Variants in KCNK18 observed in about 807,000 individuals in gnomAD.
KCNK18 encodes potassium channel subfamily K member 18.
KCNK18 carries 8 observed loss-of-function variants against 11.8 expected under a neutral mutation model. That is an observed-to-expected ratio of 0.68 (90% CI 0.40 to 1.22). The LOEUF (loss-of-function observed/expected upper bound fraction) is 1.22, where lower values mean the gene tolerates loss of function less well. KCNK18 is among the 50% of genes most tolerant of loss of function. The probability of loss-of-function intolerance (pLI) is 0.01; values close to 1 mark genes in which losing one functional copy is unlikely to be tolerated. For missense variants in KCNK18, 442 were observed against 465.4 expected (o/e 0.95, Z 0.46); for synonymous variants, 208 against 185.8 (o/e 1.12, Z -0.97).
At chr10:117,201,421 T>C in intron 2 of KCNK18, 134 bp downstream of exon 2, 1 of 923,350 alleles carries the variant, frequency 1.1e-6, no homozygotes, top group East Asian at 2.6e-5. Context: ...CTCAAATCTA[T>C]ATTGCACACC....
rs774358745 is a variant in KCNK18, at chr10:117,210,075, G to A, written c.931G>A (p.Glu311Lys). Residue 311 changes from glutamate (E) to lysine (K), a missense_variant, in exon 3 of 3, where the codon GAG becomes AAG. By Grantham distance (56) the Glu-to-Lys change is moderately conservative. Coordinates refer to ENST00000334549, the MANE Select transcript of KCNK18 (RefSeq NM_181840.1). ...LPFWETQLDF[E>K]NAFYFCFVTL... is the part of the protein sequence containing the mutation. Reference sequence around the variant, plus strand: ...CTTCTGGGAGACACAGTTGGATTTCGAGAATGCCTTCTATTTCTGCTTTGT... The same window carrying A: ...CTTCTGGGAGACACAGTTGGATTTCAAGAATGCCTTCTATTTCTGCTTTGT... The A allele has an allele frequency of 2.5e-6, 4 of 1,614,150 alleles. No individual in the cohort carries two copies. The highest frequency in any genetic ancestry group is 2.5e-6 in the Non-Finnish European group (3 of 1,180,036).
At position 117,198,968 on chromosome 10, in the gene KCNK18, C is replaced by A. The variant is rs560970517; in HGVS notation, c.223+1257C>A. Among the ~76,000 whole-genome samples, 3 of 152,320 alleles carry A rather than the reference C, an allele frequency of 2.0e-5. No homozygotes were observed. In the East Asian group the frequency reaches 5.8e-4, roughly 29 times the overall value. ...ACTGCCTAGAGTACACATCCCCAGG[C>A]TCTTCTCCAAACCCACTTAATCAGG... On this transcript the variant is annotated intron_variant, in intron 1 of 2. Coordinates refer to ENST00000334549, the MANE Select transcript of KCNK18 (RefSeq NM_181840.1).
In KCNK18 at chr10:117,209,626, C is replaced by A. The variant is rs1855119154; in HGVS notation, c.482C>A (p.Thr161Lys). Residue 161 changes from threonine to lysine, a missense_variant, in exon 3 of 3, where the codon ACA becomes AAA. By Grantham distance (78) the Thr-to-Lys change is moderately conservative (BLOSUM62 -1). Coordinates refer to ENST00000334549, the MANE Select transcript of KCNK18 (RefSeq NM_181840.1). The part of the protein sequence containing the change: ...TGDILATILS[T>K]SYNRFRKFPF... The stretch of plus-strand genomic sequence containing the variant: ...GACATCCTGGCAACCATCTTATCTA[C>A]ATCTTATAATCGGTTCCGAAAATTC... 1.9e-6 allele frequency: 3 copies of A among 1,614,078 alleles called. No individual in the cohort carries two copies. The Admixed American group carries it at 5.0e-5, about 27-fold the overall frequency.
At chr10:117,208,412 C>A (rs552105205) in intron 2 of KCNK18, among the ~76,000 whole-genome samples, 1 of 152,036 alleles carries the variant, frequency 6.6e-6, no homozygotes, top group Non-Finnish European at 1.5e-5. Flanking sequence ...CTAGTCAATA[C>A]GCAAAGTAGG....
intron 2 of KCNK18, among the ~76,000 whole-genome samples, chr10:117,208,592 C>A (rs1480788450): frequency 1.3e-5 from 2 of 152,286 alleles, no homozygotes; most frequent in South Asian, 2.1e-4. Flanking sequence ...ATCTGCTAAG[C>A]CACAAATGGC....
In KCNK18 at chr10:117,207,427, T is replaced by A. The variant is rs149408735; in HGVS notation, c.353-2070T>A. ...GTAATTACATACTCATTAGTGTGGTTTTTAAAATTAATGTCTGCCTCTTTT... is the reference window on the plus strand; with the variant it reads ...GTAATTACATACTCATTAGTGTGGTATTTAAAATTAATGTCTGCCTCTTTT... On this transcript the variant is annotated intron_variant, in intron 2 of 2. Transcript: ENST00000334549. Among the ~76,000 whole-genome samples the A allele has an allele frequency of 4.6e-5, 7 of 152,310 alleles. No homozygotes were observed. In the East Asian group the frequency reaches 1.3e-3, roughly 29 times the overall value.
chr10:117,203,039 C>G (rs559847657), intron 2 of KCNK18, among the ~76,000 whole-genome samples: 1 of 151,950 alleles, frequency 6.6e-6, no homozygotes, highest in Non-Finnish European at 1.5e-5. Context: ...CCACGCTTGG[C>G]TAATTTTAGT....
Position 117,209,870 on chromosome 10 carries a change from GC to G in KCNK18, c.731del (p.Pro244HisfsTer88), listed in dbSNP as rs1178698521. ...TAGAGAAACAGAACACACTGCAACT[GC>G]CCCCACAAGCCATGGAGAGGAGTAA... ...ALEKQNTLQL[P>X]PQAMERSNSC... On this transcript the variant is annotated frameshift_variant, in exon 3 of 3. Transcript: ENST00000334549. LOFTEE classifies it low-confidence loss of function (END_TRUNC). The G allele has an allele frequency of 9.3e-6, 15 of 1,614,144 alleles. No individual in the cohort carries two copies. The highest frequency in any genetic ancestry group is 1.3e-5 in the Non-Finnish European group (15 of 1,180,028).
In KCNK18 at chr10:117,201,063, G is replaced by A. The variant is rs1353662190; in HGVS notation, c.224-96G>A. The stretch of plus-strand genomic sequence containing the variant: ...ATACTGACCACAAGGCAAAGGGGCT[G>A]CTGGTCCTTGGGGAAGACTATCCCT... On this transcript the variant is annotated intron_variant, in intron 1 of 2. Transcript: ENST00000334549. The A allele has an allele frequency of 2.7e-6, 4 of 1,473,380 alleles. No individual in the cohort carries two copies. The African/African-American group carries it at 5.5e-5, about 20-fold the overall frequency. The allele number at this position is 1,473,380 out of a possible 1,614,324, so 91.3% of individuals were successfully genotyped here. A position where few individuals can be genotyped will look rare whatever the true frequency, so the allele number is the denominator to read the frequency against.
intron 2 of KCNK18, among the ~76,000 whole-genome samples, chr10:117,205,178 C>G (rs1409356335): frequency 6.6e-6 from 1 of 152,208 alleles, no homozygotes; most frequent in Non-Finnish European, 1.5e-5. Flanking sequence ...TCATTCCCAA[C>G]TGGGTCATCC....
chr10:117,201,379 G>A (rs908143948), intron 2 of KCNK18, 92 bp downstream of exon 2: 2 of 1,323,076 alleles, frequency 1.5e-6, no homozygotes, highest in African/African-American at 1.4e-5. Flanking sequence ...TGTGGAGATG[G>A]CCCTCCTCTC....
At chr10:117,199,974 C>G (rs1474060819) in intron 1 of KCNK18, among the ~76,000 whole-genome samples, 2 of 152,218 alleles carry the variant, frequency 1.3e-5, no homozygotes, top group Non-Finnish European at 2.9e-5. Context: ...GCCTTGGAAC[C>G]AATGTGTAGG....
At chr10:117,208,646 T>C (rs1855105480) in intron 2 of KCNK18, among the ~76,000 whole-genome samples, 1 of 152,198 alleles carries the variant, frequency 6.6e-6, no homozygotes, top group Non-Finnish European at 1.5e-5. Flanking sequence ...CTTTCTGTTT[T>C]TCCTAACACT....
chr10:117,209,844 C>T lies in KCNK18; in HGVS notation c.700C>T (p.Leu234=), dbSNP rs569089831. Residue 234 remains leucine (L), a synonymous_variant, in exon 3 of 3, where the codon CTA becomes TTA. Coordinates refer to ENST00000334549, the MANE Select transcript of KCNK18 (RefSeq NM_181840.1). ...SMELFERSHA[L]EKQNTLQLPP... ...GGAGCTGTTTGAGAGATCTCATGCG[C>T]TAGAGAAACAGAACACACTGCAACT... 5.0e-6 allele frequency: 8 copies of T among 1,614,190 alleles called. 1 individual carries two copies. The African/African-American group carries it at 1.1e-4, about 22-fold the overall frequency.
chr10:117,208,714 C>T (rs1855106229), intron 2 of KCNK18, among the ~76,000 whole-genome samples: 1 of 151,432 alleles, frequency 6.6e-6, no homozygotes, highest in Non-Finnish European at 1.5e-5. Flanking sequence ...AAACAAAGAG[C>T]TCAGTCCTCT....
intron 1 of KCNK18, among the ~76,000 whole-genome samples, chr10:117,199,625 A>T (rs939459371): frequency 6.6e-6 from 1 of 152,214 alleles, no homozygotes; most frequent in Non-Finnish European, 1.5e-5. Flanking sequence ...CAGGGACTTA[A>T]ACCCATGTAT....
chr10:117,209,389 TA>T, intron 2 of KCNK18, 107 bp from the exon 3 acceptor site: 1 of 931,880 alleles, frequency 1.1e-6, no homozygotes, highest in Non-Finnish European at 1.8e-6. Flanking sequence ...AAACAATGTG[TA>T]AAATGTCATG....
Position 117,210,272 on chromosome 10 carries a change from G to C in KCNK18, c.1128G>C (p.Gly376=). 1 of 1,613,950 alleles carries C rather than the reference G, an allele frequency of 6.2e-7. No homozygotes were observed. ...YKNVMLFFAK[G]KFYHLVKK is the part of the protein sequence containing the mutation. Reference sequence around the variant, plus strand: ...ATGTTATGCTATTCTTTGCAAAAGGGAAGTTTTACCACCTTGTTAAAAAGT... The same window carrying C: ...ATGTTATGCTATTCTTTGCAAAAGGCAAGTTTTACCACCTTGTTAAAAAGT... Residue 376 remains glycine (G), a synonymous_variant, in exon 3 of 3, where the codon GGG becomes GGC. Transcript: ENST00000334549.
At chr10:117,203,094 C>T (rs1367742321) in intron 2 of KCNK18, among the ~76,000 whole-genome samples, 1 of 151,966 alleles carries the variant, frequency 6.6e-6, no homozygotes, top group Non-Finnish European at 1.5e-5. Flanking sequence ...CCAGGCTGGT[C>T]TTGAACTCCT....
Sources: allele counts gnomAD v4.1 joint callset (sites outside exome capture counted in the v4.1 genomes callset), GRCh38; gene constraint gnomAD v4.1.1; transcripts MANE v1.5; gene names NCBI Gene and HGNC (gene_info 2026-07-23, HGNC 2026-07-21).